The following ZNF519 variants were observed in gnomAD, a reference collection of about 807,000 sequenced individuals.
ZNF519 encodes the protein similar to Zinc finger protein 85 (Zinc finger protein HPF4) (HTF1).
ZNF519 carries 7 observed loss-of-function variants against 7.4 expected under a neutral mutation model. That is an observed-to-expected ratio of 0.94 (90% CI 0.54 to 1.77). The LOEUF is 1.77. Ranked by LOEUF, ZNF519 falls within the 40% of genes most tolerant of loss-of-function variation. The probability of loss-of-function intolerance (pLI) is 0.00; values close to 1 mark genes in which losing one functional copy is unlikely to be tolerated. For missense variants in ZNF519, 586 were observed against 623.1 expected (o/e 0.94, Z 0.63); for synonymous variants, 179 against 203.3 (o/e 0.88, Z 1.02).
In ZNF519 at chr18:14,103,582, TTTAAA is replaced by T. The variant is rs1360946099; in HGVS notation, c.*1330_*1334del. On this transcript the variant is annotated 3_prime_UTR_variant, in exon 3 of 3. Coordinates refer to ENST00000590202, the MANE Select transcript of ZNF519 (RefSeq NM_145287.4). ...AACACCTACATTAAAAACAAACAAT[TTTAAA>T]TTAATAACCTAATGTTTGGTAAAAA... is the stretch of plus-strand genomic sequence containing the variant. 3 of 152,018 alleles carry T rather than the reference TTTAAA, an allele frequency of 2.0e-5. No individual in the cohort carries two copies. Among genetic ancestry groups the T allele is most frequent in the African/African-American group, 7.3e-5 (3 of 41,374 alleles). 9.4% of individuals were successfully genotyped at this position (152,018 alleles called of 1,614,324 possible). A position where few individuals can be genotyped will look rare whatever the true frequency, so the allele number is the denominator to read the frequency against.
At chr18:14,130,586 T>A (rs372176719) in intron 1 of ZNF519, among the ~76,000 whole-genome samples, 13 of 151,944 alleles carry the variant, frequency 8.6e-5, no homozygotes, top group South Asian at 6.2e-4. Flanking sequence ...GGACTTTCTA[T>A]CACCCCCATA....
chr18:14,121,599 C>T (rs1208620263), intron 2 of ZNF519, among the ~76,000 whole-genome samples: 2 of 151,976 alleles, frequency 1.3e-5, no homozygotes, highest in South Asian at 2.1e-4. Flanking sequence ...TGCTATATGC[C>T]ATTCAAATAC....
intron 2 of ZNF519, among the ~76,000 whole-genome samples, chr18:14,088,318 G>T (rs1382678555): frequency 6.6e-6 from 1 of 152,166 alleles, no homozygotes; most frequent in Non-Finnish European, 1.5e-5. Flanking sequence ...AAGCTGCCTT[G>T]ACTGCGAAAC....
chr18:14,085,307 G>T (rs945127488), intron 2 of ZNF519, among the ~76,000 whole-genome samples: 1 of 152,094 alleles, frequency 6.6e-6, no homozygotes, highest in Non-Finnish European at 1.5e-5. Context: ...ACAGATTTAT[G>T]TTCCAAAGTG....
At chr18:14,122,722 T>C (rs2143161904) in intron 2 of ZNF519, 1 of 152,208 alleles carries the variant, frequency 6.6e-6, no homozygotes, top group East Asian at 1.9e-4. Context: ...TTATTTTCAT[T>C]GGAGCAAAGA....
In ZNF519 at chr18:14,104,669, C is replaced by A. The variant is rs949861429; in HGVS notation, c.*248G>T. 6 of 363,898 alleles carry A rather than the reference C, an allele frequency of 1.6e-5. No individual in the cohort carries two copies. Among genetic ancestry groups the A allele is most frequent in the East Asian group, 4.3e-5 (1 of 23,210 alleles). The allele number at this position is 363,898 out of a possible 1,614,324, so 22.5% of individuals were successfully genotyped here. ...AATGTCGTCCCTCTTTTTAAACATA[C>A]AATTTAATTATCTAATTGAGTTTGA... On this transcript the variant is annotated 3_prime_UTR_variant, in exon 3 of 3. Transcript: ENST00000590202.
At chr18:14,114,216 T>C (rs770031199) in intron 2 of ZNF519, among the ~76,000 whole-genome samples, 2 of 152,178 alleles carry the variant, frequency 1.3e-5, no homozygotes, top group Admixed American at 6.5e-5. Flanking sequence ...CTTTACCCCA[T>C]TTAATTTCCT....
chr18:14,124,848 C>T (rs2046289655), intron 1 of ZNF519, among the ~76,000 whole-genome samples: 1 of 152,156 alleles, frequency 6.6e-6, no homozygotes, highest in Admixed American at 6.5e-5. Context: ...GGGATGTTTT[C>T]ACCTAGAACA....
downstream of ZNF519, chr18:14,071,778 AT>A (rs2046029318): frequency 6.6e-6 from 1 of 152,218 alleles, no homozygotes; most frequent in Non-Finnish European, 1.5e-5. Flanking sequence ...ACACATATGC[AT>A]TATCTGTATC....
intron 2 of ZNF519, 105 bp downstream of exon 2, chr18:14,124,245 T>C: frequency 9.2e-7 from 1 of 1,090,924 alleles, no homozygotes; most frequent in Non-Finnish European, 1.3e-6. Context: ...AGAAAAGAAC[T>C]GAAATTAATT....
At chr18:14,072,212 T>C (rs2046030874), downstream of ZNF519, 2 of 152,204 alleles carry the variant, frequency 1.3e-5, no homozygotes, top group South Asian at 4.1e-4. Context: ...AACCCTTAAA[T>C]ATTACAAAAT....
chr18:14,074,967 T>G (rs2046041993), downstream of ZNF519: 1 of 152,214 alleles, frequency 6.6e-6, no homozygotes, highest in East Asian at 1.9e-4. Context: ...TAACAAACTT[T>G]CAGTTCCACA....
intron 2 of ZNF519, among the ~76,000 whole-genome samples, chr18:14,113,461 T>A (rs1228636794): frequency 4.6e-5 from 7 of 152,222 alleles, no homozygotes; most frequent in Non-Finnish European, 7.3e-5. Flanking sequence ...TGAAGTCTCA[T>A]GTCTCCCTAA....
chr18:14,113,320 T>C (rs1052578826), intron 2 of ZNF519, among the ~76,000 whole-genome samples: 2 of 152,164 alleles, frequency 1.3e-5, no homozygotes, highest in African/African-American at 4.8e-5. Context: ...ATTGCCTCCT[T>C]TGGAAAGGCT....
At chr18:14,117,973 T>C (rs549740032) in intron 2 of ZNF519, among the ~76,000 whole-genome samples, 1 of 152,310 alleles carries the variant, frequency 6.6e-6, no homozygotes, top group East Asian at 1.9e-4. Context: ...ATCCAAAATA[T>C]ATCATTTACA....
chr18:14,082,758 T>A (rs1378288812), intron 3 of ZNF519: 1 of 151,084 alleles, frequency 6.6e-6, no homozygotes, highest in East Asian at 1.9e-4. Context: ...TTCAACCACC[T>A]CAACCTCCAG....
chr18:14,105,107 T>C lies in ZNF519; in HGVS notation c.1433A>G (p.His478Arg). 3 of 1,613,304 alleles carry C rather than the reference T, an allele frequency of 1.9e-6. No homozygotes were observed. Among genetic ancestry groups the C allele is most frequent in the Non-Finnish European group, 2.5e-6 (3 of 1,179,670 alleles). Residue 478 changes from histidine (H) to arginine (R), a missense_variant, in exon 3 of 3, where the codon CAT becomes CGT. By Grantham distance (29) the His-to-Arg change is conservative. Transcript: ENST00000590202. ...AFIWGSHLTQ[H>R]QRVHTGEKFF... ...TTTCTCTCCAGTATGGACTCTCTGA[T>C]GTTGAGTAAGGTGTGAGCCCCAGAT... is the stretch of plus-strand genomic sequence containing the variant.
intron 2 of ZNF519, among the ~76,000 whole-genome samples, chr18:14,087,090 AAATC>A (rs1199926258): frequency 2.0e-5 from 3 of 152,242 alleles, no homozygotes; most frequent in Admixed American, 2.0e-4. Context: ...CAACATATGC[AAATC>A]AATAAAGGTG....
intron 2 of ZNF519, among the ~76,000 whole-genome samples, chr18:14,119,269 G>T (rs1012825489): frequency 6.6e-6 from 1 of 152,158 alleles, no homozygotes; most frequent in African/African-American, 2.4e-5. Flanking sequence ...ATCTTTACCT[G>T]CCAAAAACAG....
Sources: gnomAD v4.1 joint callset for allele counts (sites outside exome capture counted in the v4.1 genomes callset) on GRCh38, gnomAD v4.1.1 for gene constraint, MANE v1.5 for transcripts, NCBI Gene and HGNC (gene_info 2026-07-23, HGNC 2026-07-21) for gene names.